The following EIF3H variants were observed in gnomAD, a reference collection of about 807,000 sequenced individuals.
EIF3H encodes eIF-3-gamma.
A neutral mutation model predicts 44.2 loss-of-function variants in EIF3H; 26 were observed. The observed-to-expected ratio is 0.59, with a 90% confidence interval of 0.43 to 0.82. The LOEUF is 0.82. Ranked by LOEUF, EIF3H falls within the 40% of genes least tolerant of loss-of-function variation. The probability of loss-of-function intolerance (pLI) is 0.00; values close to 1 mark genes in which losing one functional copy is unlikely to be tolerated. For missense variants in EIF3H, 359 were observed against 432.8 expected (o/e 0.83, Z 1.51); for synonymous variants, 166 against 151.9 (o/e 1.09, Z -0.68).
chr8:116,751,652 A>G (rs920125640), intron 1 of EIF3H, among the ~76,000 whole-genome samples: 11 of 152,264 alleles, frequency 7.2e-5, no homozygotes, highest in African/African-American at 2.2e-4. Context: ...TTCAAGAGCC[A>G]TTACTGGCAG....
intron 2 of EIF3H, among the ~76,000 whole-genome samples, chr8:116,696,410 T>C (rs1371537448): frequency 1.3e-5 from 2 of 152,344 alleles, no homozygotes; most frequent in South Asian, 4.1e-4. Context: ...TTGAAAATTA[T>C]ATAGATACAT....
chr8:116,659,988 G>A (rs137945448), intron 2 of EIF3H, among the ~76,000 whole-genome samples: 204 of 152,222 alleles, frequency 1.3e-3, no homozygotes, highest in African/African-American at 4.8e-3. Flanking sequence ...CCGGGCTCAA[G>A]TGATTCTTTT....
chr8:116,645,171 C>A, intron 7 of EIF3H, 68 bp from the exon 8 acceptor site: 3 of 1,251,676 alleles, frequency 2.4e-6, no homozygotes, highest in Admixed American at 2.0e-5. Context: ...GAAAGCTAGT[C>A]AAACAGAAAA....
At chr8:116,710,235 T>C (rs1265307115) in intron 2 of EIF3H, among the ~76,000 whole-genome samples, 1 of 152,228 alleles carries the variant, frequency 6.6e-6, no homozygotes, top group Non-Finnish European at 1.5e-5. Context: ...CAATGTATTC[T>C]AGAAAGTCTT....
At chr8:116,671,257 TG>T (rs1253599680) in intron 2 of EIF3H, among the ~76,000 whole-genome samples, 1 of 152,208 alleles carries the variant, frequency 6.6e-6, no homozygotes, top group Non-Finnish European at 1.5e-5. Context: ...TGTCGTTCAA[TG>T]TAGTATCCAC....
intron 1 of EIF3H, among the ~76,000 whole-genome samples, chr8:116,738,147 C>A (rs893413049): frequency 1.3e-5 from 2 of 150,566 alleles, no homozygotes; most frequent in Non-Finnish European, 1.5e-5. Flanking sequence ...CAAAAAGCAT[C>A]AAAAAAAACT....
At chr8:116,720,253 A>T (rs1003879887) in intron 2 of EIF3H, among the ~76,000 whole-genome samples, 21 of 152,200 alleles carry the variant, frequency 1.4e-4, no homozygotes, top group Non-Finnish European at 2.2e-4. Flanking sequence ...AAATTTTTTT[A>T]AATTGAAATT....
Position 116,752,791 on chromosome 8 carries a change from G to GGAAGGAAGGAAGGAAGGAA in EIF3H, c.132+2874_132+2875insTTCCTTCCTTCCTTCCTTC, listed in dbSNP as rs1563663281. The stretch of plus-strand genomic sequence containing the variant: ...AGGGAGGGAGGGAGGGAGGGAGGGA[G>GGAAGGAAGGAAGGAAGGAA]GGAGGGAAGGAAGGAAGGAAGGAAG... On this transcript the variant is annotated intron_variant, in intron 1 of 7. Coordinates refer to ENST00000521861, the MANE Select transcript of EIF3H (RefSeq NM_003756.3). Among the ~76,000 whole-genome samples the GGAAGGAAGGAAGGAAGGAA allele has an allele frequency of 1.2e-3, 83 of 71,490 alleles. 5 individuals are homozygous for GGAAGGAAGGAAGGAAGGAA. Among genetic ancestry groups the GGAAGGAAGGAAGGAAGGAA allele is most frequent in the South Asian group, 2.3e-3 (4 of 1,726 alleles). 46.9% of individuals were successfully genotyped at this position (71,490 alleles called of 152,430 possible).
At chr8:116,727,475 A>G (rs1367498103) in intron 1 of EIF3H, among the ~76,000 whole-genome samples, 1 of 152,222 alleles carries the variant, frequency 6.6e-6, no homozygotes, top group Non-Finnish European at 1.5e-5. Flanking sequence ...AGTTTGACTG[A>G]TATCATAACA....
At chr8:116,740,579 C>A (rs1012391504) in intron 1 of EIF3H, among the ~76,000 whole-genome samples, 1 of 152,042 alleles carries the variant, frequency 6.6e-6, no homozygotes, top group Non-Finnish European at 1.5e-5. Context: ...TGAGTAAGCC[C>A]AGATGAAACC....
chr8:116,657,373 G>A, intron 3 of EIF3H, 59 bp from the exon 4 acceptor site: 1 of 1,301,406 alleles, frequency 7.7e-7, no homozygotes, highest in Non-Finnish European at 1.1e-6. Context: ...GGCTTGAATG[G>A]CATTGGTTCT....
At chr8:116,658,510 G>A in intron 3 of EIF3H, 1 of 262,640 alleles carries the variant, frequency 3.8e-6, no homozygotes, top group East Asian at 8.5e-5. Flanking sequence ...AGCAATCGGG[G>A]TTTGTTAGAC....
chr8:116,713,730 T>C (rs553011634), intron 2 of EIF3H, among the ~76,000 whole-genome samples: 19 of 152,230 alleles, frequency 1.2e-4, no homozygotes, highest in Non-Finnish European at 2.5e-4. Flanking sequence ...TTCTGAGTTA[T>C]CCAAAAAAAT....
chr8:116,656,479 AAC>A (rs1032558815), intron 4 of EIF3H, among the ~76,000 whole-genome samples: 30 of 152,338 alleles, frequency 2.0e-4, no homozygotes, highest in Admixed American at 9.8e-4. Context: ...ACATGCCAAG[AAC>A]ACAGTTTCTC....
At chr8:116,670,983 G>A (rs73701454) in intron 2 of EIF3H, among the ~76,000 whole-genome samples, 4,446 of 152,142 alleles carry the variant, frequency 0.029, 198 homozygotes, top group African/African-American at 0.1. Context: ...AATATTGGAC[G>A]GCAAAAACAT....
At chr8:116,763,944 CA>C (rs1233003673) in intron 1 of EIF3H, among the ~76,000 whole-genome samples, 2 of 152,126 alleles carry the variant, frequency 1.3e-5, no homozygotes, top group Non-Finnish European at 2.9e-5. Context: ...GGGAATTAGT[CA>C]TACGTTTCAA....
At chr8:116,686,978 G>C (rs112792056) in intron 2 of EIF3H, among the ~76,000 whole-genome samples, 129 of 152,284 alleles carry the variant, frequency 8.5e-4, no homozygotes, top group African/African-American at 2.8e-3. Context: ...ACAGGCCAGG[G>C]AAACTTAGAC....
chr8:116,686,621 G>GT (rs1353267770), intron 2 of EIF3H, among the ~76,000 whole-genome samples: 4 of 148,750 alleles, frequency 2.7e-5, no homozygotes, highest in Non-Finnish European at 5.9e-5. Flanking sequence ...TTCAGAGTAT[G>GT]TTTAAAAAAA....
At chr8:116,657,875 C>A in intron 3 of EIF3H, 1 of 153,704 alleles carries the variant, frequency 6.5e-6, no homozygotes, top group African/African-American at 2.4e-5. Flanking sequence ...CAAAGCTAAC[C>A]GCTGAAACAC....
Sources: allele counts gnomAD v4.1 joint callset (sites outside exome capture counted in the v4.1 genomes callset), GRCh38; gene constraint gnomAD v4.1.1; transcripts MANE v1.5; gene names NCBI Gene and HGNC (gene_info 2026-07-23, HGNC 2026-07-21).